Variants in PAK4 observed in about 807,000 individuals in gnomAD.
The protein encoded by PAK4 is serine/threonine-protein kinase PAK 4.
PAK4 carries 49 observed loss-of-function variants against 53.5 expected under a neutral mutation model. The observed-to-expected ratio is 0.92, with a 90% CI of 0.73 to 1.16. The LOEUF is 1.16. Ranked by LOEUF, PAK4 falls within the 50% of genes most tolerant of loss-of-function variation. The pLI, the probability that PAK4 is intolerant of heterozygous loss-of-function variation, is 0.00. For synonymous variants in PAK4, 376 were observed against 375.6 expected, an observed-to-expected ratio of 1.00 and a Z score of -0.01; for missense variants, 824 against 850.7, an observed-to-expected ratio of 0.97 and a Z score of 0.39.
intron 1 of PAK4, among the ~76,000 whole-genome samples, chr19:39,143,841 A>G (rs888804601): frequency 6.6e-6 from 1 of 151,916 alleles, no homozygotes; most frequent in African/African-American, 2.4e-5. Context: ...GCGTGGTGGC[A>G]TGTGCCTGTG....
intron 1 of PAK4, among the ~76,000 whole-genome samples, chr19:39,142,495 G>T (rs1244661682): frequency 1.3e-5 from 2 of 152,166 alleles, no homozygotes; most frequent in Non-Finnish European, 2.9e-5. Flanking sequence ...TAGTAAGGCT[G>T]GTACCCAGAT....
At chr19:39,169,088 C>CG (rs957135308) in intron 1 of PAK4, among the ~76,000 whole-genome samples, 5 of 152,164 alleles carry the variant, frequency 3.3e-5, no homozygotes, top group African/African-American at 1.2e-4. Context: ...TGATGTAGAG[C>CG]GGGGGGACGG....
downstream of PAK4, chr19:39,182,217 C>T (rs1269924790): frequency 6.6e-6 from 1 of 152,226 alleles, no homozygotes; most frequent in African/African-American, 2.4e-5. Context: ...ATTCCTTATG[C>T]TCCCAAGTGG....
At chr19:39,158,143 G>A (rs573739599) in intron 1 of PAK4, among the ~76,000 whole-genome samples, 31 of 150,972 alleles carry the variant, frequency 2.1e-4, no homozygotes, top group Non-Finnish European at 4.1e-4. Flanking sequence ...ATGTGTGAGC[G>A]TGCGTGTGTG....
chr19:39,161,999 G>A lies in PAK4; in HGVS notation c.-22-7533G>A, dbSNP rs768068445. Among the ~76,000 whole-genome samples the A allele has an allele frequency of 1.3e-5, 2 of 151,950 alleles. No individual in the cohort carries two copies. The highest frequency in any genetic ancestry group is 2.9e-5 in the Non-Finnish European group (2 of 68,008). The stretch of plus-strand genomic sequence containing the variant: ...TTGAGATGGAGTCTCACACTCTGTC[G>A]CCCAGGCTGGAGTGCAATGGTGCGA... On this transcript the variant is annotated intron_variant, in intron 1 of 8. Transcript: ENST00000358301. This position sits in a 1 kb window ranked among gnomAD's most constrained non-coding sequence, Gnocchi z 4.5.
rs1343330204 is a variant in PAK4, at chr19:39,176,600, C to A, written c.1370C>A (p.Ser457Ter). The stretch of plus-strand genomic sequence containing the variant: ...TCTGCCCTGTCCCAGGTGAAGCTGT[C>A]AGACTTTGGGTTCTGCGCCCAGGTG... Residue 457 changes from serine (S) to a stop codon, truncating the protein, a stop_gained, in exon 7 of 9, where the codon TCA (serine) becomes TAA (stop). Transcript: ENST00000358301. LOFTEE classifies it high-confidence loss of function. 6.2e-7 allele frequency: 1 copy of A among 1,613,814 alleles called. No homozygotes were observed. Among genetic ancestry groups the A allele is most frequent in the African/African-American group, 1.3e-5 (1 of 75,064 alleles).
chr19:39,169,545 C>T (rs2074436480), exon 2 of PAK4: 2 of 1,612,132 alleles, frequency 1.2e-6, no homozygotes, highest in Admixed American at 3.3e-5. Flanking sequence ...GCACCGAGTC[C>T]CCGGCACCAT....
At chr19:39,157,201 T>TG (rs879287368) in intron 1 of PAK4, among the ~76,000 whole-genome samples, 12 of 150,912 alleles carry the variant, frequency 8.0e-5, no homozygotes, top group Non-Finnish European at 1.3e-4. Flanking sequence ...CCTTGCCTAC[T>TG]GTGTGTGGTT....
At chr19:39,137,410 T>C (rs1549927) in intron 1 of PAK4, among the ~76,000 whole-genome samples, 92,268 of 151,886 alleles carry the variant, frequency 0.61, 28,207 homozygotes, top group East Asian at 0.76. Context: ...CGGCCCTGTG[T>C]CCCGGCCAGT....
At chr19:39,158,373 A>C (rs960119666) in intron 1 of PAK4, among the ~76,000 whole-genome samples, 15 of 152,292 alleles carry the variant, frequency 9.8e-5, no homozygotes, top group Admixed American at 1.3e-4. Context: ...GTTGCATGGC[A>C]GGGGAGGTAG....
intron 1 of PAK4, among the ~76,000 whole-genome samples, chr19:39,164,388 C>G (rs1000427273): frequency 2.0e-5 from 3 of 151,718 alleles, no homozygotes; most frequent in Non-Finnish European, 4.4e-5. Flanking sequence ...GGCGACAGGA[C>G]AGGAGCAGGG....
intron 1 of PAK4, among the ~76,000 whole-genome samples, chr19:39,137,411 C>T (rs1334956377): frequency 1.3e-5 from 2 of 152,086 alleles, no homozygotes; most frequent in African/African-American, 4.8e-5. Context: ...GGCCCTGTGT[C>T]CCGGCCAGTG....
intron 1 of PAK4, among the ~76,000 whole-genome samples, chr19:39,159,396 G>T (rs2074247107): frequency 6.6e-6 from 1 of 152,078 alleles, no homozygotes; most frequent in African/African-American, 2.4e-5. Flanking sequence ...GACATGCAGG[G>T]TTTTTTTCAG....
At chr19:39,142,665 C>T (rs2145152472) in intron 1 of PAK4, among the ~76,000 whole-genome samples, 1 of 152,294 alleles carries the variant, frequency 6.6e-6, no homozygotes, top group African/African-American at 2.4e-5. Context: ...GGGCCACAGG[C>T]TTCCAGCTGA....
rs374793859 is a variant in PAK4, at chr19:39,162,807, C to T, written c.-22-6725C>T. On this transcript the variant is annotated intron_variant, in intron 1 of 8. Transcript: ENST00000358301. The stretch of plus-strand genomic sequence containing the variant: ...AGAGTCAGCCCTTGGTAGACATGGA[C>T]GGGTGCGTGGGTCGATGCGTGGGTG... Among the ~76,000 whole-genome samples the T allele has an allele frequency of 2.4e-4, 37 of 152,182 alleles. No individual in the cohort carries two copies. In the East Asian group the frequency reaches 4.8e-3, roughly 20 times the overall value.
At chr19:39,168,621 C>T (rs897964185) in intron 1 of PAK4, 1 of 152,298 alleles carries the variant, frequency 6.6e-6, no homozygotes, top group Non-Finnish European at 1.5e-5. Context: ...CCATCTTTCT[C>T]CAGGCTCTCT....
chr19:39,126,025 G>C (rs1009929109), intron 1 of PAK4, 106 bp downstream of exon 1: 4 of 153,052 alleles, frequency 2.6e-5, no homozygotes, highest in Admixed American at 1.3e-4. Context: ...AAGGTCACTG[G>C]TGGAGGGAAG....
intron 1 of PAK4, among the ~76,000 whole-genome samples, chr19:39,155,396 G>A (rs994162612): frequency 6.6e-6 from 1 of 152,146 alleles, no homozygotes; most frequent in African/African-American, 2.4e-5. Flanking sequence ...GGGAGGTGCA[G>A]GGTGGAGTGC....
chr19:39,130,672 A>G (rs774622094), intron 1 of PAK4, among the ~76,000 whole-genome samples: 6 of 151,874 alleles, frequency 4.0e-5, no homozygotes, highest in African/African-American at 1.2e-4. Context: ...AAATAAATAA[A>G]TAAATAAAAA....
Sources: gnomAD v4.1 joint callset for allele counts (sites outside exome capture counted in the v4.1 genomes callset) on GRCh38, gnomAD v4.1.1 for gene constraint, Gnocchi (gnomAD v3.1) non-coding constraint, MANE v1.5 for transcripts, NCBI Gene and HGNC (gene_info 2026-07-23, HGNC 2026-07-21) for gene names.